The following PUS7 variants were observed in gnomAD, a reference collection of about 807,000 sequenced individuals.
PUS7 encodes pseudouridine synthase 7, also known as pseudouridylate synthase 7 homolog.
Under a neutral mutation model 79.8 loss-of-function variants are expected in PUS7, and 48 were observed. The ratio of observed to expected loss-of-function variants is 0.60; its 90% CI spans 0.48 to 0.76. The LOEUF (loss-of-function observed/expected upper bound fraction) is 0.76. Among genes scored for constraint, PUS7 ranks in the 30% least tolerant of loss-of-function variants. PUS7 has a pLI of 0.00. For missense variants in PUS7, 729 were observed against 797.6 expected (o/e 0.91, Z 1.04); for synonymous variants, 286 against 272.2 (o/e 1.05, Z -0.50).
At chr7:105,490,254 T>A (rs2133170884) in intron 7 of PUS7, among the ~76,000 whole-genome samples, 1 of 152,268 alleles carries the variant, frequency 6.6e-6, no homozygotes, top group Admixed American at 6.5e-5. Flanking sequence ...TTGACATGTG[T>A]ATAAGCCCAT....
At chr7:105,484,444 A>G (rs1824458166) in intron 7 of PUS7, among the ~76,000 whole-genome samples, 1 of 151,424 alleles carries the variant, frequency 6.6e-6, no homozygotes, top group Non-Finnish European at 1.5e-5. Context: ...GCAAGATCCC[A>G]TCTCTAAAAT....
intron 5 of PUS7, among the ~76,000 whole-genome samples, chr7:105,498,473 G>A (rs1825122240): frequency 6.6e-6 from 1 of 152,174 alleles, no homozygotes; most frequent in South Asian, 2.1e-4. Context: ...CAGCTTCTGA[G>A]GGCCTAACAA....
At chr7:105,503,796 C>T (rs1055524776) in intron 4 of PUS7, among the ~76,000 whole-genome samples, 5 of 152,100 alleles carry the variant, frequency 3.3e-5, no homozygotes, top group African/African-American at 1.2e-4. Context: ...CCATGCCCAG[C>T]TAATTTTTTT....
rs114494653 is a variant in PUS7 at position 105,477,400 on chromosome 7, C to A, written c.1175+3652G>T. On this transcript the variant is annotated intron_variant, in intron 9 of 15. Coordinates refer to ENST00000469408, the MANE Select transcript of PUS7 (RefSeq NM_019042.5). Reference sequence around the variant, plus strand: ...GTAGCTGGGATTACAGGTGTTCATGCCACCACACTCAGATAATTTTTGTAT... The same window carrying A: ...GTAGCTGGGATTACAGGTGTTCATGACACCACACTCAGATAATTTTTGTAT... 3.7e-3 allele frequency among the ~76,000 whole-genome samples: 566 copies of A among 151,714 alleles called. 3 individuals are homozygous for A. Among genetic ancestry groups the A allele is most frequent in the African/African-American group, 0.013 (526 of 41,396 alleles).
chr7:105,465,356 T>G lies in PUS7; in HGVS notation c.1584A>C (p.Val528=), dbSNP rs1823593994. ...TAACATCGAAACCAGGCAAGGGCAT[T>G]ACCACATCATGGATAGAGTAATTAT... ...DVNNYSIHDV[V]MPLPGFDVIY... Residue 528 remains valine, a synonymous_variant, in exon 13 of 16, where the codon GTA becomes GTC. Coordinates refer to ENST00000469408, the MANE Select transcript of PUS7 (RefSeq NM_019042.5). 1 of 1,613,738 alleles carries G rather than the reference T, an allele frequency of 6.2e-7. No homozygotes were observed.
chr7:105,485,686 T>G (rs779587458), intron 7 of PUS7, among the ~76,000 whole-genome samples: 24 of 152,270 alleles, frequency 1.6e-4, no homozygotes, highest in Non-Finnish European at 3.4e-4. Flanking sequence ...CATTATTTTC[T>G]CCACTTATCT....
At chr7:105,519,155 T>C (rs2133305997) in intron 1 of PUS7, among the ~76,000 whole-genome samples, 1 of 152,164 alleles carries the variant, frequency 6.6e-6, no homozygotes, top group South Asian at 2.1e-4. Flanking sequence ...CTTTCCTCCA[T>C]CCCCTGCAAA....
intron 9 of PUS7, among the ~76,000 whole-genome samples, chr7:105,475,551 T>TACCTTG (rs1824072427): frequency 6.6e-6 from 1 of 152,054 alleles, no homozygotes; most frequent in South Asian, 2.1e-4. Context: ...CTCGATCTCC[T>TACCTTG]GACCTCCTGA....
In PUS7 at chr7:105,491,636, G is replaced by A. The variant is rs1481198086; in HGVS notation, c.843-19C>T. On this transcript the variant is annotated intron_variant, in intron 6 of 15. Coordinates refer to ENST00000469408, the MANE Select transcript of PUS7 (RefSeq NM_019042.5). ...CTTGACTCTGGTAAGAGAGAAACAA[G>A]ATCATCTGAAGTCACATACTGTAAT... The A allele has an allele frequency of 2.8e-6, 4 of 1,433,684 alleles. No homozygotes were observed. The African/African-American group carries it at 5.7e-5, about 20-fold the overall frequency. The allele number at this position is 1,433,684 out of a possible 1,614,324, so 88.8% of individuals were successfully genotyped here. A position where few individuals can be genotyped will look rare whatever the true frequency, so the allele number is the denominator to read the frequency against.
chr7:105,470,543 C>T (rs2258851), intron 11 of PUS7, 145 bp downstream of exon 11: 135,484 of 895,718 alleles, frequency 0.15, 13,203 homozygotes, highest in African/African-American at 0.42. Context: ...TGAACAAAGA[C>T]TACTCAGGTG....
intron 6 of PUS7, among the ~76,000 whole-genome samples, chr7:105,492,189 G>A (rs1268701788): frequency 3.3e-5 from 5 of 152,060 alleles, no homozygotes; most frequent in South Asian, 2.1e-4. Context: ...GACTGTCTGC[G>A]CTCAGGAGTT....
chr7:105,467,496 A>G (rs1351814274), intron 12 of PUS7, among the ~76,000 whole-genome samples: 3 of 151,498 alleles, frequency 2.0e-5, no homozygotes, highest in Non-Finnish European at 4.4e-5. Context: ...TCACCGTGTT[A>G]GCCAGGATGG....
intron 7 of PUS7, among the ~76,000 whole-genome samples, chr7:105,483,827 A>G (rs917311171): frequency 6.6e-6 from 1 of 152,272 alleles, no homozygotes; most frequent in Admixed American, 6.5e-5. Context: ...CCAGGATCCA[A>G]TTGAGGATCA....
intron 2 of PUS7, among the ~76,000 whole-genome samples, chr7:105,506,671 T>A (rs1051149660): frequency 5.3e-5 from 8 of 151,870 alleles, no homozygotes; most frequent in African/African-American, 1.9e-4. Context: ...GATCTGCCCA[T>A]CTTGGCCTCC....
At chr7:105,515,091 G>A (rs62486981) in intron 1 of PUS7, among the ~76,000 whole-genome samples, 11,643 of 152,180 alleles carry the variant, frequency 0.077, 477 homozygotes, top group East Asian at 0.12. Context: ...ACCGCGCCTG[G>A]CCTACAATGA....
In PUS7 at chr7:105,457,337, T is replaced by C. The variant is rs1211735386; in HGVS notation, c.*453A>G. On this transcript the variant is annotated 3_prime_UTR_variant, in exon 16 of 16. Transcript: ENST00000469408. ...ATTATTTCAGTCAGCATGAGTACTG[T>C]ATTTATATTTGTGGGTGGCAGCTCT... 1 of 152,810 alleles carries C rather than the reference T, an allele frequency of 6.5e-6. No individual in the cohort carries two copies. Among genetic ancestry groups the C allele is most frequent in the Non-Finnish European group, 1.5e-5 (1 of 68,538 alleles). The allele number at this position is 152,810 out of a possible 1,614,324, so 9.5% of individuals were successfully genotyped here.
chr7:105,492,208 C>T (rs1215530424), intron 6 of PUS7, among the ~76,000 whole-genome samples: 5 of 152,104 alleles, frequency 3.3e-5, no homozygotes, highest in Non-Finnish European at 7.4e-5. Context: ...TTGGAGGCTA[C>T]AGTGCGCTAT....
At chr7:105,473,964 T>A (rs1823980069) in intron 9 of PUS7, among the ~76,000 whole-genome samples, 1 of 152,256 alleles carries the variant, frequency 6.6e-6, no homozygotes, top group South Asian at 2.1e-4. Context: ...TTGGCAAATC[T>A]ATAAGTGTAT....
chr7:105,502,989 C>T (rs778219354), intron 4 of PUS7, among the ~76,000 whole-genome samples: 10 of 152,086 alleles, frequency 6.6e-5, no homozygotes, highest in Non-Finnish European at 1.0e-4. Context: ...CGTGAGCCAC[C>T]GTGCCCAGTC....
Sources: allele counts gnomAD v4.1 joint callset (sites outside exome capture counted in the v4.1 genomes callset), GRCh38; gene constraint gnomAD v4.1.1; transcripts MANE v1.5; gene names NCBI Gene and HGNC (gene_info 2026-07-23, HGNC 2026-07-21).